Variants in MCTP1 observed in about 807,000 individuals in gnomAD.
The protein encoded by MCTP1 is multiple C2 and transmembrane domain containing 1.
A neutral mutation model predicts 120.6 loss-of-function variants in MCTP1; 69 were observed. The ratio of observed to expected loss-of-function variants is 0.57; its 90% CI spans 0.47 to 0.70. The LOEUF (loss-of-function observed/expected upper bound fraction) is 0.70. Among genes scored for constraint, MCTP1 ranks in the 30% least tolerant of loss-of-function variants. MCTP1 has a pLI of 0.00. For missense variants in MCTP1, 1,203 were observed against 1,248.8 expected, an observed-to-expected ratio of 0.96 and a Z score of 0.55; for synonymous variants, 529 against 493.1, an observed-to-expected ratio of 1.07 and a Z score of -0.96.
chr5:95,121,886 A>AACG (rs1758265715), intron 1 of MCTP1, among the ~76,000 whole-genome samples: 1 of 150,948 alleles, frequency 6.6e-6, no homozygotes, highest in Admixed American at 6.6e-5. Flanking sequence ...ATTCTGGGGA[A>AACG]ACGACAGCCT....
At chr5:95,170,381 T>C (rs145891686) in intron 1 of MCTP1, among the ~76,000 whole-genome samples, 1,768 of 152,346 alleles carry the variant, frequency 0.012, 29 homozygotes, top group African/African-American at 0.04. Context: ...GTAGAATGTA[T>C]ATTCTGTTGA....
Position 95,245,385 on chromosome 5 carries a change from A to G in MCTP1, c.720+38471T>C, listed in dbSNP as rs141313565. On this transcript the variant is annotated intron_variant, in intron 1 of 22. Transcript: ENST00000515393. ...CCATACTAAGAAACTTCTCCGAGCT[A>G]AAGGCGCATGTTCTAACCCATCGCA... 9.6e-4 allele frequency among the ~76,000 whole-genome samples: 147 copies of G among 152,366 alleles called. No homozygotes were observed. In the East Asian group the frequency reaches 0.012, roughly 12 times the overall value.
At chr5:95,145,849 T>C (rs1417028430) in intron 1 of MCTP1, among the ~76,000 whole-genome samples, 1 of 152,170 alleles carries the variant, frequency 6.6e-6, no homozygotes. Context: ...CCTGAAGTTT[T>C]CTTTTTTCAT....
intron 2 of MCTP1, among the ~76,000 whole-genome samples, chr5:94,963,144 C>A (rs1370229954): frequency 6.6e-6 from 1 of 152,022 alleles, no homozygotes. Context: ...GTCTTGGGTT[C>A]CAACATATGA....
In MCTP1 at chr5:95,208,043, G is replaced by A. The variant is rs77599970; in HGVS notation, c.720+75813C>T. The stretch of plus-strand genomic sequence containing the variant: ...GGAGAGAGAGAGAAAGAGAGAGCAA[G>A]AGAGAGAGTCACTCAGCAAGCAATA... On this transcript the variant is annotated intron_variant, in intron 1 of 22. Coordinates refer to ENST00000515393, the MANE Select transcript of MCTP1 (RefSeq NM_024717.7). Among the ~76,000 whole-genome samples the A allele has an allele frequency of 2.0e-3, 299 of 151,808 alleles. 1 individual carries two copies. The highest frequency in any genetic ancestry group is 6.5e-3 in the African/African-American group (267 of 41,380).
intron 1 of MCTP1, among the ~76,000 whole-genome samples, chr5:95,104,659 T>C (rs1234285798): frequency 6.6e-6 from 1 of 152,210 alleles, no homozygotes. Context: ...ACAATGTGCA[T>C]TTTTATTATG....
chr5:94,924,792 G>A (rs1164564747), intron 6 of MCTP1, among the ~76,000 whole-genome samples: 1 of 152,202 alleles, frequency 6.6e-6, no homozygotes, highest in Non-Finnish European at 1.5e-5. Flanking sequence ...GGAAACTGAT[G>A]ACAGTCATGG....
chr5:95,004,289 C>T (rs774448367), intron 2 of MCTP1, among the ~76,000 whole-genome samples: 7 of 152,144 alleles, frequency 4.6e-5, no homozygotes, highest in Non-Finnish European at 8.8e-5. Context: ...GAAACTGAAA[C>T]TTATATTTAA....
chr5:94,796,199 A>G (rs1357553410), intron 18 of MCTP1, among the ~76,000 whole-genome samples: 1 of 152,118 alleles, frequency 6.6e-6, no homozygotes, highest in Non-Finnish European at 1.5e-5. Context: ...ACAGACCTGA[A>G]GGTCATTTTG....
chr5:95,008,401 T>A (rs745979055), intron 2 of MCTP1, among the ~76,000 whole-genome samples: 11 of 152,254 alleles, frequency 7.2e-5, no homozygotes, highest in Non-Finnish European at 1.5e-4. Context: ...AATTTCATGG[T>A]CATTGAATAA....
intron 1 of MCTP1, among the ~76,000 whole-genome samples, chr5:95,250,987 A>G (rs1757328984): frequency 6.6e-6 from 1 of 152,162 alleles, no homozygotes; most frequent in Non-Finnish European, 1.5e-5. Context: ...AGATGTTATT[A>G]TGCTCCAGGC....
chr5:95,085,522 C>T (rs1755365693), intron 1 of MCTP1, among the ~76,000 whole-genome samples: 2 of 151,460 alleles, frequency 1.3e-5, no homozygotes, highest in South Asian at 4.1e-4. Flanking sequence ...TATTAATGGA[C>T]ATTTAAGTTG....
intron 19 of MCTP1, among the ~76,000 whole-genome samples, chr5:94,769,322 G>A (rs539439322): frequency 3.2e-4 from 48 of 152,128 alleles, no homozygotes; most frequent in Non-Finnish European, 5.9e-4. Context: ...AGCACAGTAT[G>A]GTGACTATAG....
chr5:94,892,753 A>G (rs1390676270), intron 11 of MCTP1, among the ~76,000 whole-genome samples: 1 of 152,186 alleles, frequency 6.6e-6, no homozygotes, highest in South Asian at 2.1e-4. Flanking sequence ...AAAAATACAC[A>G]TGTTCTTGCA....
chr5:94,823,581 A>AAAGTCAAT (rs1658047720), intron 17 of MCTP1, among the ~76,000 whole-genome samples: 1 of 152,204 alleles, frequency 6.6e-6, no homozygotes, highest in Non-Finnish European at 1.5e-5. Context: ...TTCTGTGAAG[A>AAAGTCAAT]AAGTCAATGG....
chr5:95,173,083 C>T (rs1006127680), intron 1 of MCTP1, among the ~76,000 whole-genome samples: 5 of 152,022 alleles, frequency 3.3e-5, no homozygotes, highest in Non-Finnish European at 5.9e-5. Flanking sequence ...TTATTTAGAA[C>T]AAATAAAGAT....
Position 95,127,244 on chromosome 5 carries a change from GA to G in MCTP1, c.721-109761del, listed in dbSNP as rs11435217. Among the ~76,000 whole-genome samples, 438 of 146,158 alleles carry G rather than the reference GA, an allele frequency of 3.0e-3. 2 individuals are homozygous for G. Among genetic ancestry groups the G allele is most frequent in the African/African-American group, 1.0e-2 (398 of 39,978 alleles). On this transcript the variant is annotated intron_variant, in intron 1 of 22. Transcript: ENST00000515393. The stretch of plus-strand genomic sequence containing the variant: ...TCCCATTGATATCTAGCCATCAAAT[GA>G]AAAAAAAAAAGTTTTTACTCATTCA...
At chr5:95,200,544 G>GCAA (rs1445470752) in intron 1 of MCTP1, among the ~76,000 whole-genome samples, 1 of 152,172 alleles carries the variant, frequency 6.6e-6, no homozygotes, top group Non-Finnish European at 1.5e-5. Context: ...TGTGTTATTT[G>GCAA]CAACAACATA....
In MCTP1 at chr5:94,981,429, A is replaced by T. The variant is rs183646944; in HGVS notation, c.839-28068T>A. 4.8e-3 allele frequency among the ~76,000 whole-genome samples: 725 copies of T among 152,276 alleles called. 1 individual carries two copies. The highest frequency in any genetic ancestry group is 8.6e-3 in the Non-Finnish European group (587 of 68,012). On this transcript the variant is annotated intron_variant, in intron 2 of 22. Coordinates refer to ENST00000515393, the MANE Select transcript of MCTP1 (RefSeq NM_024717.7). ...GTGAATAAATTCTCCTGCTAGTATG[A>T]TTTTCCTTTCCTGAAATACACTCAC...
Sources: gnomAD v4.1 joint callset for allele counts (sites outside exome capture counted in the v4.1 genomes callset) on GRCh38, gnomAD v4.1.1 for gene constraint, MANE v1.5 for transcripts, NCBI Gene and HGNC (gene_info 2026-07-23, HGNC 2026-07-21) for gene names.